SLC38A12: variants seen among roughly 807,000 people sequenced by gnomAD.
SLC38A12 encodes the protein putative sodium-coupled neutral amino acid transporter 12.
chr17:74,795,814 T>C, the SLC38A12 span, among the ~76,000 whole-genome samples: 1 of 152,214 alleles, frequency 6.6e-6, no homozygotes, highest in Non-Finnish European at 1.5e-5. Context: ...ACTAAGAGTC[T>C]AGCCCCCAAG....
At chr17:74,820,639 G>A in the SLC38A12 span, among the ~76,000 whole-genome samples, 1 of 152,206 alleles carries the variant, frequency 6.6e-6, no homozygotes, top group Non-Finnish European at 1.5e-5. Flanking sequence ...TGTTCTGAGA[G>A]AGGGGCCTGG....
chr17:74,838,289 C>T, the SLC38A12 span: 1 of 985,964 alleles, frequency 1.0e-6, no homozygotes, highest in African/African-American at 1.7e-5. Context: ...ATCATTGCGA[C>T]TTCCTCCCAG....
chr17:74,785,474 G>C, the SLC38A12 span: 3 of 1,606,828 alleles, frequency 1.9e-6, no homozygotes, highest in Middle Eastern at 1.7e-4. Context: ...TGCCTCTGTC[G>C]GTTCCAGGTT....
chr17:74,786,116 C>T, the SLC38A12 span, among the ~76,000 whole-genome samples: 2 of 152,224 alleles, frequency 1.3e-5, no homozygotes, highest in Admixed American at 1.3e-4. Flanking sequence ...GTGTACCTCC[C>T]CAGGTCTTCA....
the SLC38A12 span, among the ~76,000 whole-genome samples, chr17:74,801,790 T>TCTTG: frequency 4.6e-5 from 7 of 152,288 alleles, no homozygotes; most frequent in Non-Finnish European, 8.8e-5. Context: ...CCTGTGTTGT[T>TCTTG]CTTGCTTGCT....
the SLC38A12 span, chr17:74,838,251 G>A: frequency 1.9e-5 from 19 of 985,708 alleles, no homozygotes; most frequent in Admixed American, 6.1e-5. Context: ...TTCCATCCAC[G>A]GGAAAAACAA....
At chr17:74,836,491 G>T in the SLC38A12 span, 1 of 1,610,992 alleles carries the variant, frequency 6.2e-7, no homozygotes. The surrounding 1 kb of genome is among the most constrained non-coding windows in gnomAD (Gnocchi z 4.2). Flanking sequence ...GCGGGCACCG[G>T]CATCCAGTAC....
the SLC38A12 span, among the ~76,000 whole-genome samples, chr17:74,807,675 A>G: frequency 6.6e-6 from 1 of 152,224 alleles, no homozygotes; most frequent in African/African-American, 2.4e-5. Flanking sequence ...GAATCCGTCC[A>G]CTGCCGTGAA....
At chr17:74,836,136 A>T in the SLC38A12 span, 1 of 1,613,638 alleles carries the variant, frequency 6.2e-7, no homozygotes, top group East Asian at 2.2e-5. The surrounding 1 kb of genome is among the most constrained non-coding windows in gnomAD (Gnocchi z 4.2). Flanking sequence ...CTACGTGCTG[A>T]TCCTGGCCTT....
the SLC38A12 span, among the ~76,000 whole-genome samples, chr17:74,798,748 A>T: frequency 1.1e-5 from 1 of 88,254 alleles, no homozygotes; most frequent in East Asian, 3.3e-4. Context: ...CCCCCCACCC[A>T]CCCATCCCTC....
the SLC38A12 span, among the ~76,000 whole-genome samples, chr17:74,793,172 C>A: frequency 6.6e-6 from 1 of 152,268 alleles, no homozygotes; most frequent in East Asian, 1.9e-4. Context: ...GTCTCCTCTA[C>A]CCTGGAGTTT....
chr17:74,783,185 C>T, the SLC38A12 span, among the ~76,000 whole-genome samples: 7 of 152,218 alleles, frequency 4.6e-5, no homozygotes, highest in Non-Finnish European at 1.0e-4. Context: ...GGTGAAGACT[C>T]TCAGACTCAC....
the SLC38A12 span, among the ~76,000 whole-genome samples, chr17:74,791,815 C>T: frequency 2.0e-5 from 3 of 152,220 alleles, no homozygotes; most frequent in African/African-American, 7.2e-5. Flanking sequence ...TCTTATATCT[C>T]CATGGCAAAT....
chr17:74,781,343 T>C, the SLC38A12 span, among the ~76,000 whole-genome samples: 1 of 152,160 alleles, frequency 6.6e-6, no homozygotes, highest in Admixed American at 6.6e-5. Flanking sequence ...TGTCACCCAG[T>C]GAGCAATTAC....
At chr17:74,835,355 C>T in the SLC38A12 span, among the ~76,000 whole-genome samples, 1 of 152,176 alleles carries the variant, frequency 6.6e-6, no homozygotes, top group African/African-American at 2.4e-5. Flanking sequence ...CCTGTCTGCC[C>T]AGGGCTCCCA....
chr17:74,788,750 A>T, the SLC38A12 span: 1 of 1,590,480 alleles, frequency 6.3e-7, no homozygotes, highest in African/African-American at 1.3e-5. Context: ...GTCTCCTCCA[A>T]CCTGTCCGCC....
the SLC38A12 span, chr17:74,836,516 C>G: frequency 6.2e-7 from 1 of 1,612,712 alleles, no homozygotes; most frequent in Non-Finnish European, 8.5e-7. The surrounding 1 kb of genome is among the most constrained non-coding windows in gnomAD (Gnocchi z 4.2). Context: ...TCCCCGCCTT[C>G]CTGGTGTACC....
chr17:74,809,482 G>A, the SLC38A12 span, among the ~76,000 whole-genome samples: 73 of 152,188 alleles, frequency 4.8e-4, no homozygotes, highest in Middle Eastern at 6.8e-3. Context: ...TGTCTTTCTC[G>A]GAGCCCGCAC....
the SLC38A12 span, among the ~76,000 whole-genome samples, chr17:74,807,808 G>A: frequency 6.6e-6 from 1 of 152,182 alleles, no homozygotes; most frequent in Non-Finnish European, 1.5e-5. Context: ...ACGTCCCACA[G>A]CTTTGCGCAC....
Sources: gnomAD v4.1 joint callset for allele counts (sites outside exome capture counted in the v4.1 genomes callset) on GRCh38, gnomAD v4.1.1 for gene constraint, Gnocchi (gnomAD v3.1) non-coding constraint, MANE v1.5 for transcripts, NCBI Gene and HGNC (gene_info 2026-07-23, HGNC 2026-07-21) for gene names.